Variants in ATCAY observed in about 807,000 individuals in gnomAD.
ATCAY encodes the protein ATCAY kinesin light chain interacting caytaxin.
ATCAY carries 22 observed loss-of-function variants against 47.7 expected under a neutral mutation model. That is an observed-to-expected ratio of 0.46 (90% confidence interval 0.33 to 0.66). ATCAY has a LOEUF of 0.66. Ranked by LOEUF, ATCAY falls within the 30% of genes least tolerant of loss-of-function variation. ATCAY has a pLI of 0.02. For missense variants in ATCAY, 452 were observed against 515.0 expected, an observed-to-expected ratio of 0.88 and a Z score of 1.18; for synonymous variants, 216 against 207.6, an observed-to-expected ratio of 1.04 and a Z score of -0.35.
At chr19:3,900,895 CTTTTTTTTTT>C (rs59395284) in intron 2 of ATCAY, among the ~76,000 whole-genome samples, 4 of 92,252 alleles carry the variant, frequency 4.3e-5, no homozygotes, top group Non-Finnish European at 5.9e-5. Flanking sequence ...TATCCTTCAT[CTTTTTTTTTT>C]TTTTTTTTTT....
intron 3 of ATCAY, among the ~76,000 whole-genome samples, chr19:3,903,791 T>C (rs1285345759): frequency 2.0e-5 from 3 of 150,588 alleles, no homozygotes; most frequent in Non-Finnish European, 4.4e-5. Flanking sequence ...TCCCAAAGTG[T>C]TGGGATTACG....
In ATCAY at chr19:3,918,790, T is replaced by C; in HGVS notation, c.1002-16T>C. On this transcript the variant is annotated splice_polypyrimidine_tract_variant and intron_variant, in intron 10 of 12. Transcript: ENST00000450849. ...TGGGCTAGTCACCCTTGTCACCTCG[T>C]TCTCTCTGTCCACAGCGCGAGGCCC... is the stretch of plus-strand genomic sequence containing the variant. The C allele has an allele frequency of 6.2e-7, 1 of 1,613,830 alleles. No homozygotes were observed.
chr19:3,916,632 T>G (rs2038968373), intron 9 of ATCAY, among the ~76,000 whole-genome samples: 1 of 152,090 alleles, frequency 6.6e-6, no homozygotes, highest in Non-Finnish European at 1.5e-5. Flanking sequence ...TAGCTGGGAC[T>G]ACAGGCGCCC....
At chr19:3,915,952 A>C (rs2038963088) in intron 9 of ATCAY, among the ~76,000 whole-genome samples, 1 of 151,922 alleles carries the variant, frequency 6.6e-6, no homozygotes, top group Non-Finnish European at 1.5e-5. Flanking sequence ...GGCCTCACAA[A>C]GTGCTGGGAT....
At position 3,926,312 on chromosome 19, in the gene ATCAY, A is replaced by AAAAAG. The variant is rs912776102; in HGVS notation, c.*1733_*1737dup. ...CAAGAGCAAAACTCCGTCTCAAAAT[A>AAAAAG]AAAAGAAAAGAAAAGAATGGACAGT... On this transcript the variant is annotated 3_prime_UTR_variant, in exon 13 of 13. Coordinates refer to ENST00000450849, the MANE Select transcript of ATCAY (RefSeq NM_033064.5). 1.3e-5 allele frequency: 2 copies of AAAAAG among 152,488 alleles called. No individual in the cohort carries two copies. The highest frequency in any genetic ancestry group is 2.1e-4 in the South Asian group (1 of 4,834). The allele number at this position is 152,488 out of a possible 1,614,324, so 9.4% of individuals were successfully genotyped here.
At chr19:3,912,236 G>A (rs1311761621) in intron 8 of ATCAY, among the ~76,000 whole-genome samples, 1 of 152,106 alleles carries the variant, frequency 6.6e-6, no homozygotes, top group African/African-American at 2.4e-5. Context: ...ACTTTGGAAG[G>A]TCGAGATGAG....
intron 2 of ATCAY, among the ~76,000 whole-genome samples, chr19:3,901,312 C>T (rs1412442519): frequency 1.3e-5 from 2 of 152,094 alleles, no homozygotes; most frequent in African/African-American, 4.8e-5. Context: ...TATTTATATC[C>T]GTATGGACTC....
intron 12 of ATCAY, among the ~76,000 whole-genome samples, chr19:3,923,006 A>T (rs1284786546): frequency 6.6e-6 from 1 of 152,100 alleles, no homozygotes; most frequent in Non-Finnish European, 1.5e-5. Context: ...CGGCCTCCCA[A>T]AGTGCTGAGA....
At chr19:3,904,592 T>C (rs2038843683) in intron 3 of ATCAY, among the ~76,000 whole-genome samples, 1 of 151,956 alleles carries the variant, frequency 6.6e-6, no homozygotes, top group Non-Finnish European at 1.5e-5. Context: ...AATAAATTTC[T>C]CCCTCTCTCT....
chr19:3,894,223 G>A (rs992026479), intron 2 of ATCAY, among the ~76,000 whole-genome samples: 15 of 151,888 alleles, frequency 9.9e-5, no homozygotes, highest in African/African-American at 2.9e-4. Flanking sequence ...GGTGGCTCAC[G>A]TCTGTAATCC....
At chr19:3,908,063 T>A in intron 5 of ATCAY, 144 bp downstream of exon 5, 1 of 1,226,008 alleles carries the variant, frequency 8.2e-7, no homozygotes, top group Admixed American at 2.2e-5. Flanking sequence ...AAGGCGTGCA[T>A]GGTCAGGGAG....
At chr19:3,906,954 A>T (rs1036651530) in intron 4 of ATCAY, among the ~76,000 whole-genome samples, 2 of 151,704 alleles carry the variant, frequency 1.3e-5, no homozygotes, top group South Asian at 4.2e-4. Context: ...CCTGGCCAAC[A>T]TGGTGAAGCT....
rs530504400 is a variant in ATCAY at position 3,927,388 on chromosome 19, T to C, written c.*2796T>C. ...AACAGTGACAAGAACTGCTGGGCCT[T>C]AACCGTCATGGAAGACTGGGGCCGC... On this transcript the variant is annotated 3_prime_UTR_variant, in exon 13 of 13. Transcript: ENST00000450849. 1 of 152,264 alleles carries C rather than the reference T, an allele frequency of 6.6e-6. No individual in the cohort carries two copies. Among genetic ancestry groups the C allele is most frequent in the East Asian group, 1.9e-4 (1 of 5,162 alleles). The allele number at this position is 152,264 out of a possible 1,614,324, so 9.4% of individuals were successfully genotyped here. A position where few individuals can be genotyped will look rare whatever the true frequency, so the allele number is the denominator to read the frequency against.
chr19:3,906,983 C>T (rs1334798460), intron 4 of ATCAY, among the ~76,000 whole-genome samples: 1 of 151,004 alleles, frequency 6.6e-6, no homozygotes, highest in Non-Finnish European at 1.5e-5. Flanking sequence ...ACTAAAAATA[C>T]AGAAATTAGC....
At chr19:3,885,693 C>T in intron 1 of ATCAY, 34 bp from the exon 2 acceptor site, 1 of 1,299,854 alleles carries the variant, frequency 7.7e-7, no homozygotes, top group Non-Finnish European at 1.1e-6. Context: ...GACTATTGTC[C>T]AGTAAAACCC....
intron 8 of ATCAY, among the ~76,000 whole-genome samples, chr19:3,911,943 T>A (rs1381263724): frequency 6.6e-6 from 1 of 152,152 alleles, no homozygotes; most frequent in Non-Finnish European, 1.5e-5. Flanking sequence ...ATTAGCGAAA[T>A]GAGATGAGGA....
At position 3,907,445 on chromosome 19, in the gene ATCAY, C is replaced by T. The variant is rs2038871287; in HGVS notation, c.359-289C>T. 2.0e-5 allele frequency among the ~76,000 whole-genome samples: 3 copies of T among 152,136 alleles called. No individual in the cohort carries two copies. In the South Asian group the frequency reaches 6.2e-4, roughly 32 times the overall value. ...CGTGGTTTGATGAAGCAGATGCATT[C>T]ACCAGCTCTGAGAAGCTCCAGGACA... On this transcript the variant is annotated intron_variant, in intron 4 of 12. Transcript: ENST00000450849. This position sits in a 1 kb window ranked among gnomAD's most constrained non-coding sequence, Gnocchi z 5.1.
rs1173212472 is a variant in ATCAY at position 3,885,128 on chromosome 19, A to AC, written c.-41-599_-41-598insC. Among the ~76,000 whole-genome samples, 88 of 149,554 alleles carry AC rather than the reference A, an allele frequency of 5.9e-4. No individual in the cohort carries two copies. The South Asian group carries it at 7.3e-3, about 12-fold the overall frequency. ...TTTTTTTAAAAAAAAAAAAAAAAAAAAAAAAAACAGCCAAGCTCAGTGGCT... is the reference window on the plus strand; with the variant it reads ...TTTTTTTAAAAAAAAAAAAAAAAAAACAAAAAAACAGCCAAGCTCAGTGGCT... On this transcript the variant is annotated intron_variant, in intron 1 of 12. Coordinates refer to ENST00000450849, the MANE Select transcript of ATCAY (RefSeq NM_033064.5).
intron 11 of ATCAY, among the ~76,000 whole-genome samples, chr19:3,919,202 CA>C (rs1568453623): frequency 1.3e-5 from 2 of 151,492 alleles, no homozygotes; most frequent in East Asian, 1.9e-4. Context: ...CGCTTGAACC[CA>C]GGGGGCAGAG....
Sources: allele counts gnomAD v4.1 joint callset (sites outside exome capture counted in the v4.1 genomes callset), GRCh38; gene constraint gnomAD v4.1.1; non-coding constraint Gnocchi (gnomAD v3.1); transcripts MANE v1.5; gene names NCBI Gene and HGNC (gene_info 2026-07-23, HGNC 2026-07-21).